APP: variants seen among roughly 807,000 people sequenced by gnomAD.
The protein encoded by APP is amyloid beta precursor protein.
A neutral mutation model predicts 101.4 loss-of-function variants in APP; 31 were observed. That is an observed-to-expected ratio of 0.31 (90% confidence interval 0.23 to 0.41). The LOEUF (loss-of-function observed/expected upper bound fraction) is 0.41. Ranked by LOEUF, APP falls within the 10% of genes least tolerant of loss-of-function variation. APP has a pLI of 1.00. For missense variants in APP, 839 were observed against 1,003.7 expected, an observed-to-expected ratio of 0.84 and a Z score of 2.22; for synonymous variants, 366 against 364.4, an observed-to-expected ratio of 1.00 and a Z score of -0.05.
chr21:25,916,087 C>T (rs2039335913), intron 13 of APP, among the ~76,000 whole-genome samples: 1 of 152,026 alleles, frequency 6.6e-6, no homozygotes. Flanking sequence ...AACAACGAAC[C>T]TCTGCCTCCT....
chr21:25,902,247 C>T (rs1166585342), intron 15 of APP, among the ~76,000 whole-genome samples: 2 of 152,154 alleles, frequency 1.3e-5, no homozygotes, highest in African/African-American at 2.4e-5. Context: ...ATCACTTGAA[C>T]GGCATGACAA....
intron 2 of APP, among the ~76,000 whole-genome samples, chr21:26,094,405 A>C (rs2061895669): frequency 6.6e-6 from 1 of 152,132 alleles, no homozygotes; most frequent in African/African-American, 2.4e-5. Context: ...CCAGCTCAGA[A>C]AGCAAACAAC....
intron 6 of APP, among the ~76,000 whole-genome samples, chr21:26,020,017 T>C (rs1192090211): frequency 6.6e-6 from 1 of 152,244 alleles, no homozygotes; most frequent in African/African-American, 2.4e-5. Flanking sequence ...ATAAACTTAA[T>C]CCATCTTGCA....
At chr21:26,152,284 CAAAAAA>C (rs1161739630) in intron 1 of APP, among the ~76,000 whole-genome samples, 5 of 36,202 alleles carry the variant, frequency 1.4e-4, no homozygotes, top group South Asian at 2.6e-3. Context: ...GACTCCATCT[CAAAAAA>C]AAAAAAAAAA....
rs7282325 is a variant in APP, at chr21:26,065,971, C to T, written c.356-12623G>A. Among the ~76,000 whole-genome samples the T allele has an allele frequency of 2.2e-3, 342 of 152,266 alleles. 3 individuals carry two copies. The highest frequency in any genetic ancestry group is 8.1e-3 in the African/African-American group (335 of 41,558). ...TGATCAGTCTGCAGATTCATCTTCT[C>T]CCTAGCTCCACAGCCTAGATCTGAT... On this transcript the variant is annotated intron_variant, in intron 3 of 17. Transcript: ENST00000346798.
intron 6 of APP, among the ~76,000 whole-genome samples, chr21:26,013,265 C>T (rs1203418648): frequency 7.2e-5 from 11 of 152,024 alleles, no homozygotes; most frequent in Admixed American, 4.6e-4. Flanking sequence ...TGCAGTGAGC[C>T]GAGATCGCGC....
chr21:26,049,692 G>A (rs1601324445), intron 5 of APP, among the ~76,000 whole-genome samples: 1 of 152,102 alleles, frequency 6.6e-6, no homozygotes, highest in African/African-American at 2.4e-5. Context: ...AAATGTGAAG[G>A]GTTTCAGCCA....
At chr21:25,951,878 T>C (rs1339333961) in intron 13 of APP, among the ~76,000 whole-genome samples, 1 of 152,176 alleles carries the variant, frequency 6.6e-6, no homozygotes, top group African/African-American at 2.4e-5. Context: ...GGACGTATTG[T>C]TTTAAATGTT....
intron 1 of APP, 127 bp from the exon 2 acceptor site, chr21:26,112,273 C>G (rs2062345667): frequency 1.1e-6 from 1 of 925,700 alleles, no homozygotes; most frequent in Non-Finnish European, 1.7e-6. Context: ...TCAGCCCGGT[C>G]TTCAACACTC....
At chr21:26,102,127 C>T (rs1160235443) in intron 2 of APP, among the ~76,000 whole-genome samples, 3 of 122,616 alleles carry the variant, frequency 2.4e-5, no homozygotes, top group African/African-American at 3.3e-5. Flanking sequence ...TCGCTCTTGT[C>T]GCCCAGGCTG....
intron 3 of APP, among the ~76,000 whole-genome samples, chr21:26,070,817 G>C (rs1035452850): frequency 6.6e-6 from 1 of 152,124 alleles, no homozygotes; most frequent in Non-Finnish European, 1.5e-5. Context: ...CCTCAATAAT[G>C]TAAGTTTAAA....
At chr21:25,980,533 T>C (rs919459466) in intron 9 of APP, among the ~76,000 whole-genome samples, 1 of 152,212 alleles carries the variant, frequency 6.6e-6, no homozygotes, top group Admixed American at 6.5e-5. Flanking sequence ...TGTTAGGTTT[T>C]CATCGTGGGC....
intron 13 of APP, among the ~76,000 whole-genome samples, chr21:25,940,411 T>C: frequency 6.6e-6 from 1 of 152,196 alleles, no homozygotes; most frequent in Non-Finnish European, 1.5e-5. Flanking sequence ...TTCACCCATA[T>C]ACTTAGCAAT....
intron 3 of APP, among the ~76,000 whole-genome samples, chr21:26,075,245 T>A (rs116923320): frequency 6.6e-6 from 1 of 152,376 alleles, no homozygotes; most frequent in East Asian, 1.9e-4. Flanking sequence ...TTTCAGTGAA[T>A]TGACAAAAGT....
chr21:26,038,380 C>T (rs1471019308), intron 5 of APP, among the ~76,000 whole-genome samples: 4 of 152,010 alleles, frequency 2.6e-5, no homozygotes, highest in African/African-American at 7.2e-5. Flanking sequence ...GATTATCAAA[C>T]CAGAGGTGGG....
chr21:25,895,145 G>A (rs1439746885), intron 16 of APP, among the ~76,000 whole-genome samples: 1 of 149,888 alleles, frequency 6.7e-6, no homozygotes, highest in East Asian at 1.9e-4. Context: ...TATTGCACAT[G>A]TAACAGACTA....
At chr21:26,036,694 T>C (rs115538263) in intron 5 of APP, among the ~76,000 whole-genome samples, 3,235 of 152,280 alleles carry the variant, frequency 0.021, 104 homozygotes, top group African/African-American at 0.074. Flanking sequence ...GTTACTAATA[T>C]ACATGTTGGG....
intron 3 of APP, among the ~76,000 whole-genome samples, chr21:26,059,239 A>G (rs964833918): frequency 4.6e-5 from 7 of 152,198 alleles, no homozygotes; most frequent in African/African-American, 1.7e-4. Flanking sequence ...TTAAAAGACA[A>G]TATTTCTATG....
At chr21:26,155,460 A>C (rs561451535) in intron 1 of APP, among the ~76,000 whole-genome samples, 3 of 152,250 alleles carry the variant, frequency 2.0e-5, no homozygotes, top group African/African-American at 7.2e-5. Context: ...AAAACTTTAA[A>C]TTAGATCTAA....
Sources: gnomAD v4.1 joint callset for allele counts (sites outside exome capture counted in the v4.1 genomes callset) on GRCh38, gnomAD v4.1.1 for gene constraint, MANE v1.5 for transcripts, NCBI Gene and HGNC (gene_info 2026-07-23, HGNC 2026-07-21) for gene names.